The following DAB1 variants were observed in gnomAD, a reference collection of about 807,000 sequenced individuals.
DAB1 encodes the protein disabled homolog 1.
In DAB1, 15 loss-of-function variants were observed where a neutral mutation model predicts 64.6. The ratio of observed to expected loss-of-function variants is 0.23; its 90% CI spans 0.16 to 0.36. The LOEUF (loss-of-function observed/expected upper bound fraction) is 0.36, where lower values mean the gene tolerates loss of function less well. Among genes scored for constraint, DAB1 ranks in the 10% least tolerant of loss-of-function variants. The pLI, the probability that DAB1 is intolerant of heterozygous loss-of-function variation, is 1.00. For missense variants in DAB1, 596 were observed against 706.7 expected (o/e 0.84, Z 1.78); for synonymous variants, 235 against 251.9 (o/e 0.93, Z 0.64).
At chr1:57,597,343 A>G (rs1293607879) in intron 7 of DAB1, among the ~76,000 whole-genome samples, 2 of 152,246 alleles carry the variant, frequency 1.3e-5, no homozygotes, top group Non-Finnish European at 2.9e-5. Context: ...AGCTGTGAAC[A>G]AGGACAGCAA....
At chr1:58,338,070 T>C (rs1663165143) in intron 4 of DAB1, among the ~76,000 whole-genome samples, 1 of 151,914 alleles carries the variant, frequency 6.6e-6, no homozygotes, top group African/African-American at 2.4e-5. Context: ...ATTTCAAAAG[T>C]TTGTTTCTAA....
intron 6 of DAB1, among the ~76,000 whole-genome samples, chr1:57,687,080 A>T (rs1558610967): frequency 6.6e-6 from 1 of 152,182 alleles, no homozygotes; most frequent in Non-Finnish European, 1.5e-5. Context: ...AAAGCATCCG[A>T]ATAGAATAAG....
intron 5 of DAB1, among the ~76,000 whole-genome samples, chr1:57,922,359 A>T (rs1229516771): frequency 1.5e-4 from 23 of 152,126 alleles, no homozygotes; most frequent in Non-Finnish European, 5.9e-5. Context: ...GAAATGAAGG[A>T]TGTGTAGAAG....
chr1:58,119,375 T>C (rs1157643307), intron 5 of DAB1, among the ~76,000 whole-genome samples: 2 of 152,066 alleles, frequency 1.3e-5, no homozygotes, highest in African/African-American at 4.8e-5. Flanking sequence ...ATTTGTTATA[T>C]GTTTTACAGC....
At chr1:57,807,359 C>A (rs1651412204) in intron 6 of DAB1, among the ~76,000 whole-genome samples, 1 of 152,088 alleles carries the variant, frequency 6.6e-6, no homozygotes, top group Admixed American at 6.5e-5. Flanking sequence ...TACTCAAGAG[C>A]AGAAAAGTCA....
At chr1:57,974,196 T>A (rs1397914543) in intron 5 of DAB1, among the ~76,000 whole-genome samples, 1 of 152,174 alleles carries the variant, frequency 6.6e-6, no homozygotes, top group Non-Finnish European at 1.5e-5. Context: ...TCAGCTCAGA[T>A]GTCATCTCCT....
At chr1:58,420,647 C>T (rs993409564) in intron 3 of DAB1, among the ~76,000 whole-genome samples, 3 of 152,158 alleles carry the variant, frequency 2.0e-5, no homozygotes, top group African/African-American at 7.2e-5. Flanking sequence ...GAGTCCAAAT[C>T]CTGACTCTGT....
At chr1:57,923,167 G>A (rs1041492580) in intron 5 of DAB1, among the ~76,000 whole-genome samples, 12 of 152,092 alleles carry the variant, frequency 7.9e-5, no homozygotes, top group African/African-American at 2.7e-4. Flanking sequence ...AGGAAAGGAG[G>A]TCTACAGGCT....
At chr1:58,538,343 C>CCTTATATAAG (rs1305367134) in intron 1 of DAB1, among the ~76,000 whole-genome samples, 43 of 152,148 alleles carry the variant, frequency 2.8e-4, no homozygotes, top group African/African-American at 9.6e-4. Context: ...GTGAGCCCAC[C>CCTTATATAAG]CTTATATAAG....
rs139174217 is a variant in DAB1, at chr1:58,471,691, G to T, written n.257+34369C>A. ...GGTTTAGCACTATCCCCTCTGTGCTGTTCTCGTGATAGTGAGTGAGTTATC... is the reference window on the plus strand; with the variant it reads ...GGTTTAGCACTATCCCCTCTGTGCTTTTCTCGTGATAGTGAGTGAGTTATC... On this transcript the variant is annotated intron_variant and non_coding_transcript_variant, in intron 3 of 20. Coordinates refer to the DAB1 transcript ENST00000485760. Among the ~76,000 whole-genome samples, 38 of 152,250 alleles carry T rather than the reference G, an allele frequency of 2.5e-4. 1 individual carries two copies. In the East Asian group the frequency reaches 6.2e-3, roughly 25 times the overall value.
At chr1:58,354,149 T>C (rs746832855) in intron 3 of DAB1, among the ~76,000 whole-genome samples, 4 of 152,120 alleles carry the variant, frequency 2.6e-5, no homozygotes, top group Non-Finnish European at 5.9e-5. Flanking sequence ...AGGGATGTAA[T>C]GACGGTGGGA....
At chr1:57,186,795 T>C (rs1453248087) in intron 2 of DAB1, among the ~76,000 whole-genome samples, 3 of 152,238 alleles carry the variant, frequency 2.0e-5, no homozygotes, top group African/African-American at 4.8e-5. Context: ...ATGGCTTGTC[T>C]GGAGTGTTAG....
chr1:58,393,367 G>A (rs1008667836), intron 3 of DAB1, among the ~76,000 whole-genome samples: 8 of 152,146 alleles, frequency 5.3e-5, no homozygotes, highest in African/African-American at 1.9e-4. Context: ...AATAATAACA[G>A]TTAGTTGATG....
intron 4 of DAB1, among the ~76,000 whole-genome samples, chr1:57,130,088 A>T (rs189126701): frequency 6.6e-6 from 1 of 151,926 alleles, no homozygotes; most frequent in Admixed American, 6.6e-5. Context: ...AGTATGACAC[A>T]GATGATCATG....
chr1:57,067,504 A>G, intron 8 of DAB1, among the ~76,000 whole-genome samples: 1 of 152,166 alleles, frequency 6.6e-6, no homozygotes, highest in East Asian at 1.9e-4. Flanking sequence ...GAGAGATAAG[A>G]TATTGCACTT....
At chr1:58,157,453 C>T (rs967290486) in intron 4 of DAB1, among the ~76,000 whole-genome samples, 4 of 152,130 alleles carry the variant, frequency 2.6e-5, no homozygotes, top group Non-Finnish European at 1.5e-5. Context: ...TGACAGCAGG[C>T]CCAGGCTTCT....
chr1:58,036,838 C>T (rs2100493695), intron 5 of DAB1, among the ~76,000 whole-genome samples: 1 of 152,202 alleles, frequency 6.6e-6, no homozygotes, highest in Non-Finnish European at 1.5e-5. Context: ...TGGCAAGAAG[C>T]CTAGATTATC....
intron 3 of DAB1, among the ~76,000 whole-genome samples, chr1:58,422,959 A>T (rs190968145): frequency 6.6e-6 from 1 of 152,266 alleles, no homozygotes; most frequent in African/African-American, 2.4e-5. Flanking sequence ...ATTGCAAGAG[A>T]CTCTGAGATA....
intron 4 of DAB1, among the ~76,000 whole-genome samples, chr1:58,313,911 C>T (rs1662490717): frequency 6.6e-6 from 1 of 151,570 alleles, no homozygotes; most frequent in African/African-American, 2.4e-5. Context: ...TCACCTCCAT[C>T]CCAAGTCCTC....
Sources: allele counts gnomAD v4.1 joint callset (sites outside exome capture counted in the v4.1 genomes callset), GRCh38; gene constraint gnomAD v4.1.1; transcripts MANE v1.5; gene names NCBI Gene and HGNC (gene_info 2026-07-23, HGNC 2026-07-21).